Variants in GRM5 observed in about 807,000 individuals in gnomAD.
GRM5 encodes the protein glutamate metabotropic receptor 5.
In GRM5, 19 loss-of-function variants were observed where a neutral mutation model predicts 83.1. That is an observed-to-expected ratio of 0.23 (90% CI 0.16 to 0.34). The LOEUF (loss-of-function observed/expected upper bound fraction) is 0.34. GRM5 is among the 10% of genes least tolerant of loss of function. GRM5 has a pLI of 1.00. For missense variants in GRM5, 1,160 were observed against 1,588.3 expected, an observed-to-expected ratio of 0.73 and a Z score of 4.58; for synonymous variants, 675 against 633.6, an observed-to-expected ratio of 1.07 and a Z score of -0.98.
rs142836061 is a variant in GRM5 at position 88,560,758 on chromosome 11, G to A, written c.2630+6295C>T. Among the ~76,000 whole-genome samples the A allele has an allele frequency of 2.8e-3, 428 of 152,232 alleles. 1 individual carries two copies. The highest frequency in any genetic ancestry group is 4.6e-3 in the Non-Finnish European group (310 of 68,018). On this transcript the variant is annotated intron_variant, in intron 8 of 9. Coordinates refer to ENST00000305447, the MANE Select transcript of GRM5 (RefSeq NM_001143831.3). ...TAGGCACCAAGGGAGATATAAATAC[G>A]CTGAAGACAGCATTAGATAGTTGTG...
chr11:88,638,092 G>A, intron 4 of GRM5, among the ~76,000 whole-genome samples: 1 of 147,274 alleles, frequency 6.8e-6, no homozygotes, highest in Non-Finnish European at 1.5e-5. Context: ...ACTCTTAGGT[G>A]GGAATTGAAC....
intron 3 of GRM5, among the ~76,000 whole-genome samples, chr11:88,729,636 G>A (rs1941762569): frequency 6.6e-6 from 1 of 152,084 alleles, no homozygotes; most frequent in South Asian, 2.1e-4. Flanking sequence ...ATACTACAAG[G>A]CTGCAGTAAC....
chr11:88,827,529 C>G (rs1330511056), intron 3 of GRM5, among the ~76,000 whole-genome samples: 1 of 152,172 alleles, frequency 6.6e-6, no homozygotes, highest in Non-Finnish European at 1.5e-5. Context: ...TTCATTTCAC[C>G]CTAACACTCT....
chr11:88,772,823 A>C (rs1005453674), intron 3 of GRM5, among the ~76,000 whole-genome samples: 34 of 152,106 alleles, frequency 2.2e-4, no homozygotes, highest in Middle Eastern at 3.4e-3. Flanking sequence ...TGTATATGTG[A>C]CACATTTTCT....
At chr11:88,837,081 AATTG>A (rs1944106496) in intron 3 of GRM5, among the ~76,000 whole-genome samples, 1 of 152,210 alleles carries the variant, frequency 6.6e-6, no homozygotes, top group African/African-American at 2.4e-5. Context: ...CAGAAAGTGT[AATTG>A]CTCCTGGTTT....
intron 2 of GRM5, among the ~76,000 whole-genome samples, chr11:88,912,960 A>G (rs1001661810): frequency 6.6e-6 from 1 of 152,178 alleles, no homozygotes; most frequent in Non-Finnish European, 1.5e-5. Flanking sequence ...TTGAGTAGCA[A>G]TATGCTTGAT....
intron 6 of GRM5, among the ~76,000 whole-genome samples, chr11:88,594,321 T>C (rs1359186194): frequency 1.3e-5 from 2 of 152,228 alleles, no homozygotes; most frequent in African/African-American, 4.8e-5. Context: ...TTTGTCTTGA[T>C]ATAACAAGTG....
intron 3 of GRM5, among the ~76,000 whole-genome samples, chr11:88,709,202 AG>A (rs752033130): frequency 1.3e-5 from 2 of 151,870 alleles, no homozygotes; most frequent in East Asian, 3.9e-4. Context: ...CCAAGGGAGG[AG>A]GAAATTGGCA....
intron 3 of GRM5, among the ~76,000 whole-genome samples, chr11:88,812,261 G>A (rs554578249): frequency 6.6e-6 from 1 of 150,522 alleles, no homozygotes; most frequent in African/African-American, 2.5e-5. Context: ...TTTTAGTGAT[G>A]AGGCTCTGAA....
intron 3 of GRM5, among the ~76,000 whole-genome samples, chr11:88,670,408 A>G (rs192644463): frequency 1.3e-5 from 2 of 151,980 alleles, no homozygotes; most frequent in East Asian, 3.8e-4. Flanking sequence ...TATAACTAAT[A>G]GCTTATTTTC....
chr11:88,556,323 TC>T (rs368632474), intron 8 of GRM5, among the ~76,000 whole-genome samples: 1 of 102,612 alleles, frequency 9.7e-6, no homozygotes, highest in Non-Finnish European at 1.9e-5. Flanking sequence ...TCTTTTCTTT[TC>T]TTTTTTTTTT....
chr11:88,856,041 G>C (rs1944468660), intron 2 of GRM5, among the ~76,000 whole-genome samples: 1 of 152,004 alleles, frequency 6.6e-6, no homozygotes, highest in Non-Finnish European at 1.5e-5. Flanking sequence ...TCTTTGCAAA[G>C]AAAAGGAATA....
chr11:88,734,007 C>T (rs1056188012), intron 3 of GRM5, among the ~76,000 whole-genome samples: 9 of 151,782 alleles, frequency 5.9e-5, no homozygotes, highest in Non-Finnish European at 1.0e-4. Context: ...CAAAGTATGG[C>T]GTAAGGGATG....
At chr11:88,550,139 A>G (rs977357650) in intron 8 of GRM5, among the ~76,000 whole-genome samples, 4 of 152,186 alleles carry the variant, frequency 2.6e-5, no homozygotes, top group African/African-American at 9.6e-5. Flanking sequence ...AGAAACTTCA[A>G]TCAAGGTCTG....
At chr11:88,591,342 T>A (rs535434304) in intron 6 of GRM5, among the ~76,000 whole-genome samples, 12 of 152,296 alleles carry the variant, frequency 7.9e-5, no homozygotes, top group Middle Eastern at 3.4e-3. Context: ...CCTTGTTTTG[T>A]TTGAAGGTAG....
At chr11:88,883,576 G>A (rs1944995214) in intron 2 of GRM5, among the ~76,000 whole-genome samples, 1 of 152,080 alleles carries the variant, frequency 6.6e-6, no homozygotes, top group Non-Finnish European at 1.5e-5. Context: ...CCAATTTTCT[G>A]GGGAGAAATT....
intron 2 of GRM5, among the ~76,000 whole-genome samples, chr11:88,988,551 A>G (rs550563565): frequency 7.2e-5 from 11 of 152,066 alleles, no homozygotes; most frequent in African/African-American, 2.7e-4. Context: ...TCCAAGACAC[A>G]TAACTGTCAG....
chr11:88,724,634 A>G (rs6416016), intron 3 of GRM5, among the ~76,000 whole-genome samples: 114,676 of 152,080 alleles, frequency 0.75, 43,449 homozygotes, highest in South Asian at 0.89. Context: ...GGCCAAATAC[A>G]AACAGCTCCA....
intron 8 of GRM5, among the ~76,000 whole-genome samples, chr11:88,560,662 G>A (rs1337234715): frequency 6.6e-6 from 1 of 152,132 alleles, no homozygotes; most frequent in Non-Finnish European, 1.5e-5. Flanking sequence ...ATGAGGTGCT[G>A]CCCAACAGAT....
Sources: allele counts gnomAD v4.1 joint callset (sites outside exome capture counted in the v4.1 genomes callset), GRCh38; gene constraint gnomAD v4.1.1; transcripts MANE v1.5; gene names NCBI Gene and HGNC (gene_info 2026-07-23, HGNC 2026-07-21).